The following KCNJ6 variants were observed in gnomAD, a reference collection of about 807,000 sequenced individuals.
The protein encoded by KCNJ6 is potassium inwardly rectifying channel subfamily J member 6, also known as G protein-activated inward rectifier potassium channel 2.
KCNJ6 carries 9 observed loss-of-function variants against 34.2 expected under a neutral mutation model. That is an observed-to-expected ratio of 0.26 (90% CI 0.16 to 0.46). The LOEUF is 0.46. Among genes scored for constraint, KCNJ6 ranks in the 20% least tolerant of loss-of-function variants. The probability of loss-of-function intolerance (pLI) is 1.00; values close to 1 mark genes in which losing one functional copy is unlikely to be tolerated. For missense variants in KCNJ6, 236 were observed against 531.3 expected (o/e 0.44, Z 5.46); for synonymous variants, 196 against 207.1 (o/e 0.95, Z 0.46).
rs115500982 is a variant in KCNJ6 at position 37,846,003 on chromosome 21, G to A, written c.-27-5294C>T. 2.5e-3 allele frequency among the ~76,000 whole-genome samples: 384 copies of A among 152,044 alleles called. 5 individuals are homozygous for A. Among genetic ancestry groups the A allele is most frequent in the African/African-American group, 8.9e-3 (370 of 41,464 alleles). On this transcript the variant is annotated intron_variant, in intron 1 of 3. Coordinates refer to ENST00000609713, the MANE Select transcript of KCNJ6 (RefSeq NM_002240.5). The stretch of plus-strand genomic sequence containing the variant: ...GGGGTAATCATGATGATATATTTGA[G>A]TAAAACATGTTCACAGATGCTGAAA...
intron 3 of KCNJ6, among the ~76,000 whole-genome samples, chr21:37,649,157 A>AAAAACAAAAAC (rs755535850): frequency 1.3e-4 from 17 of 133,976 alleles, no homozygotes; most frequent in African/African-American, 4.6e-4. Flanking sequence ...AAAAAAAAGA[A>AAAAACAAAAAC]AGAAAAAGAA....
intron 2 of KCNJ6, among the ~76,000 whole-genome samples, chr21:37,821,518 G>A (rs1239932879): frequency 6.6e-6 from 1 of 152,106 alleles, no homozygotes; most frequent in Non-Finnish European, 1.5e-5. Flanking sequence ...ACATGCATTA[G>A]CTATTTATCC....
intron 2 of KCNJ6, among the ~76,000 whole-genome samples, chr21:37,813,452 T>A (rs1403619859): frequency 6.6e-6 from 1 of 152,116 alleles, no homozygotes; most frequent in East Asian, 1.9e-4. Context: ...GCCAAAGCTA[T>A]CCTAGGCAAA....
At chr21:37,711,799 C>CCT (rs1556022878) in intron 3 of KCNJ6, among the ~76,000 whole-genome samples, 7 of 134,964 alleles carry the variant, frequency 5.2e-5, no homozygotes, top group East Asian at 3.4e-4. Flanking sequence ...TTTCTAGAAC[C>CCT]CCCCCCCCAA....
intron 1 of KCNJ6, among the ~76,000 whole-genome samples, chr21:37,878,620 G>A (rs2055690887): frequency 6.6e-6 from 1 of 152,258 alleles, no homozygotes; most frequent in Non-Finnish European, 1.5e-5. Context: ...GCACCAGAAA[G>A]TAGGAAACTT....
At chr21:37,735,145 A>G (rs2054906388) in intron 2 of KCNJ6, among the ~76,000 whole-genome samples, 1 of 152,166 alleles carries the variant, frequency 6.6e-6, no homozygotes, top group Admixed American at 6.5e-5. Flanking sequence ...AGAAAGAGAC[A>G]TGACTCAGTC....
chr21:37,751,121 A>G (rs2054993127), intron 2 of KCNJ6, among the ~76,000 whole-genome samples: 1 of 152,190 alleles, frequency 6.6e-6, no homozygotes, highest in South Asian at 2.1e-4. Flanking sequence ...TGCTGAAGGA[A>G]TGGACTGATT....
intron 2 of KCNJ6, among the ~76,000 whole-genome samples, chr21:37,817,726 T>C (rs975706346): frequency 3.3e-5 from 5 of 152,182 alleles, no homozygotes; most frequent in African/African-American, 4.8e-5. Context: ...TGCCGTTGTT[T>C]TGGTCTGATA....
chr21:37,720,225 C>G (rs2054817937), intron 2 of KCNJ6, among the ~76,000 whole-genome samples: 1 of 152,096 alleles, frequency 6.6e-6, no homozygotes, highest in African/African-American at 2.4e-5. Flanking sequence ...TCGAGACACT[C>G]TAGATACCTG....
intron 1 of KCNJ6, among the ~76,000 whole-genome samples, chr21:37,861,202 A>G (rs538900976): frequency 3.2e-4 from 48 of 152,336 alleles, no homozygotes; most frequent in South Asian, 2.1e-3. Context: ...CTACTGTAAC[A>G]AAGTACCACA....
chr21:37,796,634 C>T (rs1048477005), intron 2 of KCNJ6, among the ~76,000 whole-genome samples: 2 of 152,108 alleles, frequency 1.3e-5, no homozygotes, highest in Non-Finnish European at 2.9e-5. Context: ...CATTGGACCT[C>T]AACTGGGCCT....
intron 2 of KCNJ6, among the ~76,000 whole-genome samples, chr21:37,740,356 G>A (rs1005000870): frequency 2.0e-5 from 3 of 152,142 alleles, no homozygotes; most frequent in African/African-American, 4.8e-5. Flanking sequence ...CAACCTGGAG[G>A]CTTCAGCTGC....
chr21:37,838,861 C>T (rs1291267613), intron 2 of KCNJ6, among the ~76,000 whole-genome samples: 2 of 152,160 alleles, frequency 1.3e-5, no homozygotes, highest in Non-Finnish European at 2.9e-5. Context: ...ATCACGGGGG[C>T]GGATTTCCCC....
intron 2 of KCNJ6, among the ~76,000 whole-genome samples, chr21:37,764,014 C>T (rs1326479899): frequency 6.6e-6 from 1 of 151,776 alleles, no homozygotes; most frequent in Non-Finnish European, 1.5e-5. Context: ...TACTCAAAGG[C>T]CATGTTTGTC....
chr21:37,743,581 C>T (rs1376069304), intron 2 of KCNJ6, among the ~76,000 whole-genome samples: 1 of 152,158 alleles, frequency 6.6e-6, no homozygotes, highest in Admixed American at 6.5e-5. Context: ...TTTGGCCCCT[C>T]TCTTACTTTC....
chr21:37,873,709 C>T (rs749329421), intron 1 of KCNJ6, among the ~76,000 whole-genome samples: 20 of 152,176 alleles, frequency 1.3e-4, no homozygotes. Flanking sequence ...TCTTCTTAAA[C>T]CTCCAGCATC....
chr21:37,765,467 G>A (rs537023300), intron 2 of KCNJ6, among the ~76,000 whole-genome samples: 22 of 152,302 alleles, frequency 1.4e-4, no homozygotes, highest in Non-Finnish European at 2.6e-4. Flanking sequence ...GGCATCTAGA[G>A]GGTGGAGGCC....
At chr21:37,813,417 G>A (rs973012565) in intron 2 of KCNJ6, among the ~76,000 whole-genome samples, 3 of 152,064 alleles carry the variant, frequency 2.0e-5, no homozygotes, top group Admixed American at 6.6e-5. Flanking sequence ...TAAAATGTAT[G>A]TGGAACCAGA....
rs1267544389 is a variant in KCNJ6, at chr21:37,622,511, G to A, written c.*2648C>T. 6.6e-6 allele frequency: 1 copy of A among 152,182 alleles called. No homozygotes were observed. Among genetic ancestry groups the A allele is most frequent in the African/African-American group, 2.4e-5 (1 of 41,436 alleles). The allele number at this position is 152,182 out of a possible 1,614,324, so 9.4% of individuals were successfully genotyped here. A position where few individuals can be genotyped will look rare whatever the true frequency, so the allele number is the denominator to read the frequency against. On this transcript the variant is annotated 3_prime_UTR_variant, in exon 4 of 4. Coordinates refer to ENST00000609713, the MANE Select transcript of KCNJ6 (RefSeq NM_002240.5). ...TGTAGAAAAATAGACATGTTTGATA[G>A]GGACATTCTAGTAAAAGGTTCTTCA...
Sources: allele counts gnomAD v4.1 joint callset (sites outside exome capture counted in the v4.1 genomes callset), GRCh38; gene constraint gnomAD v4.1.1; transcripts MANE v1.5; gene names NCBI Gene and HGNC (gene_info 2026-07-23, HGNC 2026-07-21).